ESRRG: variants seen among roughly 807,000 people sequenced by gnomAD.
The protein encoded by ESRRG is estrogen-related receptor gamma.
Under a neutral mutation model 44.0 loss-of-function variants are expected in ESRRG, and 13 were observed. The observed-to-expected ratio is 0.30, with a 90% CI of 0.19 to 0.47. ESRRG has a LOEUF of 0.47. Among genes scored for constraint, ESRRG ranks in the 20% least tolerant of loss-of-function variants. ESRRG has a pLI of 1.00. For synonymous variants in ESRRG, 215 were observed against 214.6 expected, an observed-to-expected ratio of 1.00 and a Z score of -0.02; for missense variants, 395 against 580.6, an observed-to-expected ratio of 0.68 and a Z score of 3.29.
chr1:217,089,985 G>T (rs868401693), upstream of ESRRG, among the ~76,000 whole-genome samples: 1 of 152,170 alleles, frequency 6.6e-6, no homozygotes, highest in Non-Finnish European at 1.5e-5. Context: ...GTATGTGCAC[G>T]ATTCTGTTTG....
intron 3 of ESRRG, among the ~76,000 whole-genome samples, chr1:216,581,448 T>C (rs533739510): frequency 2.2e-4 from 34 of 152,190 alleles, no homozygotes; most frequent in Non-Finnish European, 4.4e-4. Flanking sequence ...AATTTCTTTA[T>C]TTTTCTGATA....
At chr1:216,998,342 G>A (rs2076620846) in intron 1 of ESRRG, among the ~76,000 whole-genome samples, 1 of 152,134 alleles carries the variant, frequency 6.6e-6, no homozygotes, top group African/African-American at 2.4e-5. Flanking sequence ...AACTAAAAAT[G>A]AAATTTTGAA....
At chr1:216,891,925 G>A (rs1253565418) in intron 2 of ESRRG, among the ~76,000 whole-genome samples, 3 of 148,918 alleles carry the variant, frequency 2.0e-5, no homozygotes, top group African/African-American at 7.4e-5. Context: ...TTAGCCACCC[G>A]AGTAGCTGGG....
intron 2 of ESRRG, among the ~76,000 whole-genome samples, chr1:216,779,773 G>A (rs972660201): frequency 6.6e-6 from 1 of 150,648 alleles, no homozygotes; most frequent in African/African-American, 2.4e-5. Context: ...TGTGATTCAT[G>A]TAGGCAGATG....
chr1:216,710,906 C>G (rs1235690256), intron 1 of ESRRG, among the ~76,000 whole-genome samples: 1 of 152,184 alleles, frequency 6.6e-6, no homozygotes, highest in East Asian at 1.9e-4. Context: ...TAAGGGAAAA[C>G]TCCAAGACTG....
intron 2 of ESRRG, among the ~76,000 whole-genome samples, chr1:216,745,559 G>GT (rs1480145841): frequency 7.3e-6 from 1 of 137,658 alleles, no homozygotes; most frequent in Non-Finnish European, 1.7e-5. Flanking sequence ...ATGCATAGGA[G>GT]TTTTTACCCT....
intron 3 of ESRRG, among the ~76,000 whole-genome samples, chr1:216,644,163 G>A (rs983032179): frequency 8.5e-5 from 13 of 152,188 alleles, no homozygotes; most frequent in Middle Eastern, 3.4e-3. Context: ...TTTCTATACT[G>A]GGTGGGGTCT....
chr1:216,593,452 C>T (rs1466959167), intron 3 of ESRRG, among the ~76,000 whole-genome samples: 2 of 152,202 alleles, frequency 1.3e-5, no homozygotes, highest in Non-Finnish European at 2.9e-5. Flanking sequence ...CATATCCCAA[C>T]CCCATCTGTT....
intron 1 of ESRRG, among the ~76,000 whole-genome samples, chr1:216,703,381 G>A (rs889271268): frequency 1.3e-4 from 20 of 152,184 alleles, no homozygotes; most frequent in South Asian, 2.1e-4. Flanking sequence ...ATTCAAAGCC[G>A]TCCTGGGCCA....
intron 3 of ESRRG, among the ~76,000 whole-genome samples, chr1:216,593,497 C>T (rs978770864): frequency 1.3e-5 from 2 of 152,326 alleles, no homozygotes; most frequent in Admixed American, 6.5e-5. Context: ...AGGCTAACCA[C>T]GGTTTAGAAG....
rs112358207 is a variant in ESRRG at position 216,797,017 on chromosome 1, G to A, written c.-13-119526C>T. 6.4e-3 allele frequency among the ~76,000 whole-genome samples: 979 copies of A among 151,906 alleles called. 9 individuals are homozygous for A. The highest frequency in any genetic ancestry group is 0.021 in the African/African-American group (861 of 41,418). On this transcript the variant is annotated intron_variant, in intron 2 of 7. Transcript: ENST00000359162. ...AGCGATTCTCCTCCCTCAGCCTCCC[G>A]AGTAGCTGGGATTACAGGCGTGTGC...
chr1:216,521,539 C>T (rs1459115344), intron 5 of ESRRG, among the ~76,000 whole-genome samples: 2 of 152,064 alleles, frequency 1.3e-5, no homozygotes, highest in Admixed American at 1.3e-4. Context: ...TTTTCATGCT[C>T]CCAAGTCGCA....
intron 2 of ESRRG, among the ~76,000 whole-genome samples, chr1:216,765,882 C>T (rs933269953): frequency 2.6e-5 from 4 of 152,124 alleles, no homozygotes; most frequent in Non-Finnish European, 4.4e-5. Flanking sequence ...AGGTTGAAGA[C>T]AGCTTTATTG....
intron 1 of ESRRG, among the ~76,000 whole-genome samples, chr1:216,685,178 G>A (rs1257855264): frequency 6.6e-6 from 1 of 151,960 alleles, no homozygotes; most frequent in Non-Finnish European, 1.5e-5. Context: ...CTATGCCCAG[G>A]GTAGAGTCTA....
At chr1:217,050,393 G>A (rs1443041356) in intron 1 of ESRRG, among the ~76,000 whole-genome samples, 1 of 152,182 alleles carries the variant, frequency 6.6e-6, no homozygotes, top group East Asian at 1.9e-4. Context: ...CATAACCTGT[G>A]CAGCTTTATC....
intron 5 of ESRRG, among the ~76,000 whole-genome samples, chr1:216,538,082 TCAAA>T (rs1486673845): frequency 1.3e-5 from 2 of 152,038 alleles, no homozygotes; most frequent in African/African-American, 2.4e-5. Flanking sequence ...TTTAATAACC[TCAAA>T]CAGAGAGGCA....
intron 2 of ESRRG, among the ~76,000 whole-genome samples, chr1:216,794,649 A>G (rs17682361): frequency 0.11 from 16,844 of 152,228 alleles, 1,237 homozygotes; most frequent in Non-Finnish European, 0.17. Flanking sequence ...CCTTTCCTAG[A>G]CAATGATCTC....
intron 5 of ESRRG, among the ~76,000 whole-genome samples, chr1:216,558,470 T>C (rs557739549): frequency 2.6e-5 from 4 of 152,200 alleles, no homozygotes; most frequent in Non-Finnish European, 5.9e-5. Flanking sequence ...AATTGATGTT[T>C]GTTCTGAATT....
chr1:216,770,628 A>T (rs1445261717), intron 2 of ESRRG, among the ~76,000 whole-genome samples: 1 of 152,144 alleles, frequency 6.6e-6, no homozygotes, highest in Admixed American at 6.6e-5. Flanking sequence ...TATAACAATA[A>T]ATAACAGGTT....
Sources: allele counts gnomAD v4.1 joint callset (sites outside exome capture counted in the v4.1 genomes callset), GRCh38; gene constraint gnomAD v4.1.1; transcripts MANE v1.5; gene names NCBI Gene and HGNC (gene_info 2026-07-23, HGNC 2026-07-21).